The following MACROD2 variants were observed in gnomAD, a reference collection of about 807,000 sequenced individuals.
MACROD2 encodes ADP-ribose glycohydrolase MACROD2.
Under a neutral mutation model 70.4 loss-of-function variants are expected in MACROD2, and 36 were observed. The observed-to-expected ratio is 0.51, with a 90% confidence interval of 0.39 to 0.68. The LOEUF is 0.68. Ranked by LOEUF, MACROD2 falls within the 30% of genes least tolerant of loss-of-function variation. The pLI is 0.00. For synonymous variants in MACROD2, 172 were observed against 178.8 expected, an observed-to-expected ratio of 0.96 and a Z score of 0.30; for missense variants, 496 against 538.4, an observed-to-expected ratio of 0.92 and a Z score of 0.78.
At chr20:15,115,138 G>T (rs1324721577) in intron 5 of MACROD2, among the ~76,000 whole-genome samples, 1 of 152,024 alleles carries the variant, frequency 6.6e-6, no homozygotes, top group Non-Finnish European at 1.5e-5. Flanking sequence ...TCTATTTGTT[G>T]CAGTCAAAAA....
chr20:14,471,435 C>G (rs1189978096), intron 3 of MACROD2, among the ~76,000 whole-genome samples: 1 of 152,120 alleles, frequency 6.6e-6, no homozygotes, highest in African/African-American at 2.4e-5. Flanking sequence ...TGAGCCTTTT[C>G]TTATTTAAAT....
At chr20:14,259,841 T>G (rs765602278) in intron 3 of MACROD2, among the ~76,000 whole-genome samples, 1 of 152,220 alleles carries the variant, frequency 6.6e-6, no homozygotes, top group Non-Finnish European at 1.5e-5. Context: ...CTATCCTTTG[T>G]TTATGGGATA....
intron 5 of MACROD2, among the ~76,000 whole-genome samples, chr20:15,221,437 C>T (rs2076860413): frequency 6.6e-6 from 1 of 152,140 alleles, no homozygotes; most frequent in Non-Finnish European, 1.5e-5. Flanking sequence ...CTCTGAGACC[C>T]CTCTCTGTTG....
intron 5 of MACROD2, among the ~76,000 whole-genome samples, chr20:14,963,493 A>T (rs1006288000): frequency 6.6e-6 from 1 of 152,134 alleles, no homozygotes; most frequent in South Asian, 2.1e-4. Context: ...GAAATCTGAG[A>T]TTTAAAGTTG....
chr20:14,697,561 T>G (rs2071141515), intron 5 of MACROD2, among the ~76,000 whole-genome samples: 1 of 152,188 alleles, frequency 6.6e-6, no homozygotes, highest in African/African-American at 2.4e-5. Context: ...CACATTCATA[T>G]CACACTACAA....
At chr20:14,359,111 C>A (rs2083199016) in intron 3 of MACROD2, among the ~76,000 whole-genome samples, 1 of 151,956 alleles carries the variant, frequency 6.6e-6, no homozygotes. Flanking sequence ...TCACTTGAAC[C>A]CAAGAGGTAG....
intron 5 of MACROD2, among the ~76,000 whole-genome samples, chr20:15,083,058 T>C (rs2075717414): frequency 1.3e-5 from 2 of 152,150 alleles, no homozygotes; most frequent in South Asian, 4.1e-4. Context: ...GTAAGGGCTG[T>C]GATGTTATTT....
intron 5 of MACROD2, among the ~76,000 whole-genome samples, chr20:15,132,646 A>C (rs561062227): frequency 2.6e-5 from 4 of 152,148 alleles, no homozygotes; most frequent in Admixed American, 2.6e-4. Context: ...CTTTCAAATA[A>C]TTCTTGAGTT....
intron 8 of MACROD2, among the ~76,000 whole-genome samples, chr20:15,716,913 A>G (rs2050715666): frequency 1.3e-5 from 2 of 152,196 alleles, no homozygotes; most frequent in African/African-American, 4.8e-5. Flanking sequence ...TCTGTTGGCG[A>G]CAATGTTATG....
At chr20:15,056,283 G>A (rs1027309284) in intron 5 of MACROD2, among the ~76,000 whole-genome samples, 17 of 152,116 alleles carry the variant, frequency 1.1e-4, no homozygotes, top group Admixed American at 3.3e-4. Context: ...ACTTCGCCTC[G>A]TCCTGGCTAT....
intron 3 of MACROD2, among the ~76,000 whole-genome samples, chr20:14,172,246 T>A (rs2081227876): frequency 6.6e-6 from 1 of 151,850 alleles, no homozygotes; most frequent in Non-Finnish European, 1.5e-5. Context: ...TAGGTGAGCC[T>A]CTGAAAGACA....
intron 5 of MACROD2, among the ~76,000 whole-genome samples, chr20:14,959,132 G>GGTTT (rs796789594): frequency 4.1e-4 from 62 of 152,078 alleles, no homozygotes; most frequent in African/African-American, 1.1e-3. Flanking sequence ...TGTTGTTGTT[G>GGTTT]GTTTGTTTGT....
rs184648186 is a variant in MACROD2 at position 15,050,729 on chromosome 20, A to T, written c.419-179211A>T. ...AAGTAGTGAAATGCTTGCTCTAGAG[A>T]GTGTTTTTAAGCCTAGGTTGCTTTA... On this transcript the variant is annotated intron_variant, in intron 5 of 17. Coordinates refer to ENST00000684519, the MANE Select transcript of MACROD2 (RefSeq NM_001351661.2). 6.2e-3 allele frequency among the ~76,000 whole-genome samples: 939 copies of T among 151,046 alleles called. 8 individuals are homozygous for T. The highest frequency in any genetic ancestry group is 9.1e-3 in the Non-Finnish European group (615 of 67,798).
intron 6 of MACROD2, among the ~76,000 whole-genome samples, chr20:15,413,224 T>C (rs1159288672): frequency 2.0e-5 from 3 of 152,156 alleles, no homozygotes; most frequent in Non-Finnish European, 4.4e-5. Flanking sequence ...ATAAAACTTT[T>C]TTTTTTGACG....
chr20:14,173,269 C>A (rs1010742520), intron 3 of MACROD2, among the ~76,000 whole-genome samples: 1 of 152,142 alleles, frequency 6.6e-6, no homozygotes, highest in African/African-American at 2.4e-5. Context: ...CTTGGGACCA[C>A]CAATTATTCT....
chr20:15,257,458 A>T (rs1422795680), intron 6 of MACROD2, among the ~76,000 whole-genome samples: 1 of 152,072 alleles, frequency 6.6e-6, no homozygotes, highest in East Asian at 1.9e-4. Context: ...AAAGGTTTGG[A>T]TTGTAAAAAT....
At chr20:15,134,142 G>C (rs560764422) in intron 5 of MACROD2, among the ~76,000 whole-genome samples, 1 of 27,388 alleles carries the variant, frequency 3.7e-5, no homozygotes, top group Non-Finnish European at 6.1e-5. Context: ...TCCTGACCTC[G>C]TGATCCTCCC....
At chr20:14,821,130 G>A (rs1402779875) in intron 5 of MACROD2, among the ~76,000 whole-genome samples, 1 of 152,052 alleles carries the variant, frequency 6.6e-6, no homozygotes, top group Non-Finnish European at 1.5e-5. Flanking sequence ...CATATGAAAT[G>A]TATTTGCTTT....
chr20:15,920,824 A>G (rs1357109213), intron 10 of MACROD2, among the ~76,000 whole-genome samples: 1 of 152,206 alleles, frequency 6.6e-6, no homozygotes, highest in African/African-American at 2.4e-5. Flanking sequence ...TTATATCTGT[A>G]TTATTAAGTT....
Sources: allele counts gnomAD v4.1 joint callset (sites outside exome capture counted in the v4.1 genomes callset), GRCh38; gene constraint gnomAD v4.1.1; transcripts MANE v1.5; gene names NCBI Gene and HGNC (gene_info 2026-07-23, HGNC 2026-07-21).